ERMP1: variants seen among roughly 807,000 people sequenced by gnomAD.
ERMP1 encodes Felix-ina.
In ERMP1, 86 loss-of-function variants were observed where a neutral mutation model predicts 92.0. The ratio of observed to expected loss-of-function variants is 0.93; its 90% CI spans 0.79 to 1.12. The LOEUF (loss-of-function observed/expected upper bound fraction) is 1.12. Ranked by LOEUF, ERMP1 falls within the 50% of genes most tolerant of loss-of-function variation. The probability of loss-of-function intolerance (pLI) is 0.00; values close to 1 mark genes in which losing one functional copy is unlikely to be tolerated. For missense variants in ERMP1, 1,342 were observed against 1,116.3 expected (o/e 1.20, Z -2.88); for synonymous variants, 530 against 412.8 (o/e 1.28, Z -3.44).
At position 5,785,907 on chromosome 9, in the gene ERMP1, T is replaced by G. The variant is rs1827916741; in HGVS notation, c.*1237A>C. 6.6e-6 allele frequency: 1 copy of G among 152,228 alleles called. No homozygotes were observed. Among genetic ancestry groups the G allele is most frequent in the Non-Finnish European group, 1.5e-5 (1 of 68,050 alleles). 9.4% of individuals were successfully genotyped at this position (152,228 alleles called of 1,614,324 possible). ...TTTACCATTGATCTCACCAATGCCC[T>G]CACTGCTGGAACCAAAAAGCCATGA... On this transcript the variant is annotated 3_prime_UTR_variant, in exon 15 of 15. Transcript: ENST00000339450.
chr9:5,856,832 C>T (rs534015999), intron 6 of ERMP1, among the ~76,000 whole-genome samples: 166 of 152,142 alleles, frequency 1.1e-3, no homozygotes, highest in Non-Finnish European at 2.0e-3. Context: ...AACTCACGCC[C>T]AACAGCACTG....
upstream of ERMP1, among the ~76,000 whole-genome samples, chr9:5,837,370 A>G (rs868302135): frequency 2.6e-5 from 4 of 152,180 alleles, no homozygotes; most frequent in South Asian, 8.3e-4. Flanking sequence ...TTCAAGTACA[A>G]TTCAGAATCA....
At chr9:5,827,920 G>C (rs982394308) in intron 2 of ERMP1, among the ~76,000 whole-genome samples, 1 of 152,196 alleles carries the variant, frequency 6.6e-6, no homozygotes, top group African/African-American at 2.4e-5. Flanking sequence ...AGAGCTTGCA[G>C]TGAGCCGAGA....
intron 3 of ERMP1, 41 bp downstream of exon 3, chr9:5,825,051 A>AT (rs1269777614): frequency 6.3e-7 from 1 of 1,591,586 alleles, no homozygotes; most frequent in Non-Finnish European, 8.6e-7. Flanking sequence ...TATTAATCTC[A>AT]TCCTTATTCA....
chr9:5,852,324 A>G (rs74414565), intron 6 of ERMP1, among the ~76,000 whole-genome samples: 3,414 of 151,114 alleles, frequency 0.023, 91 homozygotes, highest in East Asian at 0.13. Flanking sequence ...GTGAAATGGC[A>G]TGATCAAGGC....
chr9:5,833,266 G>A (rs1370789327), upstream of ERMP1: 1 of 474,240 alleles, frequency 2.1e-6, no homozygotes, highest in African/African-American at 2.0e-5. Flanking sequence ...CTCCCGCAGG[G>A]CTTTTCCAGC....
chr9:5,793,024 G>T (rs1384835126), intron 13 of ERMP1, among the ~76,000 whole-genome samples: 1 of 152,066 alleles, frequency 6.6e-6, no homozygotes, highest in Non-Finnish European at 1.5e-5. Flanking sequence ...CAAAATAATA[G>T]CAACAATGTA....
chr9:5,817,483 C>A (rs1198513486), intron 4 of ERMP1, among the ~76,000 whole-genome samples: 1 of 152,252 alleles, frequency 6.6e-6, no homozygotes, highest in African/African-American at 2.4e-5. Flanking sequence ...AGCCACCACA[C>A]CCGGCCAGAG....
At chr9:5,791,027 A>G (rs1828170716) in intron 13 of ERMP1, among the ~76,000 whole-genome samples, 1 of 152,254 alleles carries the variant, frequency 6.6e-6, no homozygotes, top group Admixed American at 6.5e-5. Flanking sequence ...GTGATATTTA[A>G]AAATACTTTT....
At chr9:5,794,678 A>G (rs1414575539) in intron 13 of ERMP1, among the ~76,000 whole-genome samples, 2 of 152,176 alleles carry the variant, frequency 1.3e-5, no homozygotes, top group African/African-American at 4.8e-5. Context: ...AAAAGACACA[A>G]TCTGCCAAAG....
intron 10 of ERMP1, among the ~76,000 whole-genome samples, 159 bp from the exon 11 acceptor site, chr9:5,801,487 T>C (rs557885823): frequency 6.6e-6 from 1 of 152,204 alleles, no homozygotes; most frequent in South Asian, 2.1e-4. Context: ...AACAAAGCAC[T>C]AACTCTAGGA....
rs1185893113 is a variant in ERMP1 at position 5,833,008 on chromosome 9, G to C, written c.20C>G (p.Ser7Trp). 4 of 1,551,446 alleles carry C rather than the reference G, an allele frequency of 2.6e-6. No individual in the cohort carries two copies. The highest frequency in any genetic ancestry group is 1.4e-5 in the African/African-American group (1 of 70,592). The change falls in exon 1 of 15, where the codon TCG becomes TGG. Residue 7 changes from serine (S) to tryptophan (W), a missense_variant. Coordinates refer to ENST00000339450, the MANE Select transcript of ERMP1 (RefSeq NM_024896.3). MEWGSE[S>W]AAVRRHRVGV... ...GACGCGGTGCCGCCTCACAGCAGCC[G>C]ACTCAGAACCCCACTCCATGGCCAC...
intron 13 of ERMP1, among the ~76,000 whole-genome samples, chr9:5,794,792 C>CG (rs1828346650): frequency 6.6e-6 from 1 of 152,052 alleles, no homozygotes; most frequent in Non-Finnish European, 1.5e-5. Flanking sequence ...ACCAAGCCTA[C>CG]GGGGGTTCAT....
intron 13 of ERMP1, among the ~76,000 whole-genome samples, chr9:5,794,392 A>C (rs1828328312): frequency 6.6e-6 from 1 of 152,130 alleles, no homozygotes; most frequent in Admixed American, 6.5e-5. Context: ...AAGGAAGAAC[A>C]AATTAAATCC....
At chr9:5,851,861 G>A (rs192378614) in intron 6 of ERMP1, among the ~76,000 whole-genome samples, 18 of 152,200 alleles carry the variant, frequency 1.2e-4, no homozygotes, top group African/African-American at 3.6e-4. Flanking sequence ...ATTACTTAAC[G>A]AATGGCTTGA....
intron 5 of ERMP1, among the ~76,000 whole-genome samples, chr9:5,860,638 G>GT (rs1276242229): frequency 6.6e-6 from 1 of 150,654 alleles, no homozygotes; most frequent in East Asian, 1.9e-4. Flanking sequence ...TAGAGATCGG[G>GT]GGGTCTCACT....
In ERMP1 at chr9:5,832,796, C is replaced by G; in HGVS notation, c.232G>C (p.Ala78Pro). The G allele has an allele frequency of 6.7e-7, 1 of 1,501,396 alleles. No homozygotes were observed. The highest frequency in any genetic ancestry group is 2.8e-5 in the East Asian group (1 of 35,986). 93.0% of individuals were successfully genotyped at this position (1,501,396 alleles called of 1,614,324 possible). Residue 78 changes from alanine (A) to proline (P), a missense_variant, in exon 1 of 15, where the codon GCG becomes CCG. By Grantham distance (27) the Ala-to-Pro change is conservative (BLOSUM62 -1). Coordinates refer to ENST00000339450, the MANE Select transcript of ERMP1 (RefSeq NM_024896.3). ...GTCCGCAGCGCGATCAGGTAGAGCG[C>G]GAGCCCCAGCGCGGCGCGCACCTCA... ...LSEVRAALGL[A>P]LYLIALRTLV...
chr9:5,858,531 C>G (rs918808596), intron 6 of ERMP1, among the ~76,000 whole-genome samples: 1 of 152,226 alleles, frequency 6.6e-6, no homozygotes, highest in African/African-American at 2.4e-5. Context: ...CACACCTCCA[C>G]TCAGTGGCAT....
chr9:5,830,914 G>A lies in ERMP1; in HGVS notation c.453C>T (p.Ser151=), dbSNP rs147487541. The A allele has an allele frequency of 4.3e-6, 7 of 1,614,030 alleles. No individual in the cohort carries two copies. The East Asian group carries it at 8.9e-5, about 21-fold the overall frequency. The change falls in exon 2 of 15, where the codon AGC becomes AGT. Residue 151 remains serine, a synonymous_variant. Coordinates refer to ENST00000339450, the MANE Select transcript of ERMP1 (RefSeq NM_024896.3). ...CTACTGAAATCTTATGAAGGCTGTT[G>A]CTTTGCACTTCAATCAGTTTAATCT... ...LEQIKLIEVQ[S]NSLHKISVDV...
Sources: allele counts gnomAD v4.1 joint callset (sites outside exome capture counted in the v4.1 genomes callset), GRCh38; gene constraint gnomAD v4.1.1; transcripts MANE v1.5; gene names NCBI Gene and HGNC (gene_info 2026-07-23, HGNC 2026-07-21).